BTBD9: variants seen among roughly 807,000 people sequenced by gnomAD.
BTBD9 encodes BTB/POZ domain-containing protein 9.
Under a neutral mutation model 64.3 loss-of-function variants are expected in BTBD9, and 49 were observed. The ratio of observed to expected loss-of-function variants is 0.76; its 90% confidence interval spans 0.61 to 0.97. The LOEUF (loss-of-function observed/expected upper bound fraction) is 0.97. Ranked by LOEUF, BTBD9 falls within the 50% of genes least tolerant of loss-of-function variation. The pLI is 0.00. For missense variants in BTBD9, 598 were observed against 762.1 expected, an observed-to-expected ratio of 0.78 and a Z score of 2.53; for synonymous variants, 260 against 274.7, an observed-to-expected ratio of 0.95 and a Z score of 0.53.
rs368836448 is a variant in BTBD9 at position 38,338,645 on chromosome 6, T to C, written c.1264+6339A>G. Among the ~76,000 whole-genome samples the C allele has an allele frequency of 8.9e-4, 136 of 152,232 alleles. 2 individuals carry two copies. In the South Asian group the frequency reaches 0.016, roughly 18 times the overall value. Reference sequence around the variant, plus strand: ...CAGGGACAAGGATGAGAGGGACATATGAGAACTTCTATTTTCCAGGAGAAC... The same window carrying C: ...CAGGGACAAGGATGAGAGGGACATACGAGAACTTCTATTTTCCAGGAGAAC... On this transcript the variant is annotated intron_variant, in intron 7 of 10. Transcript: ENST00000481247.
chr6:38,611,614 C>T (rs577542087), intron 1 of BTBD9, among the ~76,000 whole-genome samples: 268 of 152,168 alleles, frequency 1.8e-3, no homozygotes, highest in Non-Finnish European at 2.1e-3. Flanking sequence ...TCTTTCTTCC[C>T]GGTGTCCCAT....
chr6:38,334,605 CATAACATAACATAACATAACATAAA>C (rs1169350660), intron 7 of BTBD9, among the ~76,000 whole-genome samples: 62 of 144,842 alleles, frequency 4.3e-4, no homozygotes, highest in African/African-American at 1.5e-3. Context: ...CATAACATAA[CATAACATAACATAACATAACATAAA>C]ATAAATAAAA....
At chr6:38,590,742 G>A (rs1280124429) in intron 4 of BTBD9, among the ~76,000 whole-genome samples, 1 of 152,072 alleles carries the variant, frequency 6.6e-6, no homozygotes, top group Non-Finnish European at 1.5e-5. Flanking sequence ...TTCTGAAATC[G>A]CAGTGTAGAC....
At chr6:38,451,856 T>C (rs905751512) in intron 6 of BTBD9, among the ~76,000 whole-genome samples, 1 of 152,132 alleles carries the variant, frequency 6.6e-6, no homozygotes, top group Non-Finnish European at 1.5e-5. Context: ...TTAGTTCATG[T>C]ACCTGAAAAA....
chr6:38,559,091 G>A (rs895207623), intron 6 of BTBD9, among the ~76,000 whole-genome samples: 4 of 152,032 alleles, frequency 2.6e-5, no homozygotes, highest in South Asian at 2.1e-4. Flanking sequence ...ATTCCATTTC[G>A]AAACTTGATA....
chr6:38,537,465 G>T (rs1004680021), intron 6 of BTBD9, among the ~76,000 whole-genome samples: 2 of 152,158 alleles, frequency 1.3e-5, no homozygotes, highest in African/African-American at 4.8e-5. Flanking sequence ...CTCCTGCAGG[G>T]CAGGAAACAA....
intron 6 of BTBD9, among the ~76,000 whole-genome samples, chr6:38,351,627 G>A (rs577230382): frequency 2.9e-5 from 4 of 140,234 alleles, no homozygotes; most frequent in Non-Finnish European, 6.0e-5. Context: ...TCAGCCTCCC[G>A]AGTAGCTGGG....
chr6:38,379,199 C>T (rs1342080845), intron 6 of BTBD9, among the ~76,000 whole-genome samples: 1 of 152,134 alleles, frequency 6.6e-6, no homozygotes, highest in Non-Finnish European at 1.5e-5. Context: ...GAAGCAGAGG[C>T]TCCTGAACAA....
chr6:38,577,561 A>T, intron 6 of BTBD9, 39 bp downstream of exon 6: 3 of 1,570,118 alleles, frequency 1.9e-6, no homozygotes, highest in Non-Finnish European at 2.6e-6. Flanking sequence ...ATCTCCTTAT[A>T]TAAGAATAAA....
intron 6 of BTBD9, among the ~76,000 whole-genome samples, chr6:38,493,390 A>C (rs111685528): frequency 1.3e-4 from 20 of 152,272 alleles, no homozygotes; most frequent in African/African-American, 4.8e-4. Context: ...GGATGGCAAC[A>C]ATATTTGTGC....
chr6:38,260,454 C>T (rs951196404), intron 8 of BTBD9, among the ~76,000 whole-genome samples: 4 of 152,080 alleles, frequency 2.6e-5, no homozygotes, highest in East Asian at 1.9e-4. Context: ...ATGGTCAGTC[C>T]GTTTTGGGAT....
At chr6:38,221,123 C>T (rs1241207194) in intron 9 of BTBD9, among the ~76,000 whole-genome samples, 1 of 152,162 alleles carries the variant, frequency 6.6e-6, no homozygotes, top group Non-Finnish European at 1.5e-5. Context: ...AATCATCCTC[C>T]CCTATTAATC....
At chr6:38,620,127 AAGTTC>A (rs1777934097) in intron 1 of BTBD9, among the ~76,000 whole-genome samples, 1 of 152,202 alleles carries the variant, frequency 6.6e-6, no homozygotes, top group Non-Finnish European at 1.5e-5. Context: ...AGATATTTAA[AAGTTC>A]AAGGGTTAGT....
In BTBD9 at chr6:38,559,062, G is replaced by A. The variant is rs144472260; in HGVS notation, c.1154+18538C>T. ...TGGGTCTTTTTTGTTTGTTTTGGTTGCTAAGTTTACTATAACTGATTCCAT... is the reference window on the plus strand; with the variant it reads ...TGGGTCTTTTTTGTTTGTTTTGGTTACTAAGTTTACTATAACTGATTCCAT... On this transcript the variant is annotated intron_variant, in intron 6 of 10. Coordinates refer to ENST00000481247, the MANE Select transcript of BTBD9 (RefSeq NM_001099272.2). Among the ~76,000 whole-genome samples the A allele has an allele frequency of 1.2e-3, 188 of 152,184 alleles. 1 individual carries two copies. Among genetic ancestry groups the A allele is most frequent in the Middle Eastern group, 0.01 (3 of 294 alleles).
intron 6 of BTBD9, among the ~76,000 whole-genome samples, chr6:38,447,302 T>C (rs1769318106): frequency 6.6e-6 from 1 of 152,212 alleles, no homozygotes; most frequent in South Asian, 2.1e-4. Flanking sequence ...TCGTTACAAT[T>C]CGGCTGTCAA....
intron 6 of BTBD9, among the ~76,000 whole-genome samples, chr6:38,402,373 A>G (rs1000903442): frequency 6.6e-6 from 1 of 152,224 alleles, no homozygotes; most frequent in African/African-American, 2.4e-5. Context: ...AACCCAGAAT[A>G]GCCAAAACAA....
Position 38,184,629 on chromosome 6 carries a change from G to A in BTBD9, c.1641+7890C>T, listed in dbSNP as rs1265412463. On this transcript the variant is annotated intron_variant, in intron 10 of 10. Transcript: ENST00000481247. The surrounding 1 kb of genome is among the most constrained non-coding windows in gnomAD (Gnocchi z 4.4). ...TGGGGCCAGCATGTGACTGCTTTGAGGTGCTTCTGGGCTGAGACGATGGTC... is the reference window on the plus strand; with the variant it reads ...TGGGGCCAGCATGTGACTGCTTTGAAGTGCTTCTGGGCTGAGACGATGGTC... Among the ~76,000 whole-genome samples the A allele has an allele frequency of 6.6e-6, 1 of 152,136 alleles. No individual in the cohort carries two copies. Among genetic ancestry groups the A allele is most frequent in the Non-Finnish European group, 1.5e-5 (1 of 68,014 alleles).
intron 8 of BTBD9, among the ~76,000 whole-genome samples, chr6:38,284,380 C>T (rs1265425103): frequency 6.6e-6 from 1 of 152,146 alleles, no homozygotes; most frequent in East Asian, 1.9e-4. Context: ...GTCTTAAGCC[C>T]CAGTGACAGC....
rs537226123 is a variant in BTBD9, at chr6:38,622,197, G to A, written c.-28+17603C>T. 3.3e-5 allele frequency among the ~76,000 whole-genome samples: 5 copies of A among 152,358 alleles called. No homozygotes were observed. In the South Asian group the frequency reaches 1.0e-3, roughly 32 times the overall value. ...CCAAAGGATAATCCCTCGGTCCGTT[G>A]TAAGGCCCCTCTGGGGCAACAAAGA... On this transcript the variant is annotated intron_variant, in intron 1 of 10. Coordinates refer to ENST00000481247, the MANE Select transcript of BTBD9 (RefSeq NM_001099272.2).
Sources: gnomAD v4.1 joint callset for allele counts (sites outside exome capture counted in the v4.1 genomes callset) on GRCh38, gnomAD v4.1.1 for gene constraint, Gnocchi (gnomAD v3.1) non-coding constraint, MANE v1.5 for transcripts, NCBI Gene and HGNC (gene_info 2026-07-23, HGNC 2026-07-21) for gene names.